The following MYO5B variants were observed in gnomAD, a reference collection of about 807,000 sequenced individuals.
The protein encoded by MYO5B is myosin VB, also known as unconventional myosin-Vb.
A neutral mutation model predicts 229.3 loss-of-function variants in MYO5B; 143 were observed. The ratio of observed to expected loss-of-function variants is 0.62; its 90% CI spans 0.54 to 0.72. The LOEUF is 0.72. Among genes scored for constraint, MYO5B ranks in the 30% least tolerant of loss-of-function variants. The probability of loss-of-function intolerance (pLI) is 0.00; values close to 1 mark genes in which losing one functional copy is unlikely to be tolerated. For synonymous variants in MYO5B, 918 were observed against 885.2 expected, an observed-to-expected ratio of 1.04 and a Z score of -0.66; for missense variants, 2,321 against 2,331.0, an observed-to-expected ratio of 1.00 and a Z score of 0.09.
chr18:50,125,293 G>A (rs1260633332), intron 1 of MYO5B, among the ~76,000 whole-genome samples: 10 of 149,034 alleles, frequency 6.7e-5, no homozygotes, highest in Non-Finnish European at 1.3e-4. Context: ...AACACCGCAT[G>A]TTCTCACTCA....
Position 50,070,236 on chromosome 18 carries a change from C to A in MYO5B, c.28-14858G>T, listed in dbSNP as rs146619834. On this transcript the variant is annotated intron_variant, in intron 1 of 39. Coordinates refer to ENST00000285039, the MANE Select transcript of MYO5B (RefSeq NM_001080467.3). ...ACAAGGTTTCACCATGTTTACCAGG[C>A]TAGTCTTGAACTCCTGACCTCAGGT... Among the ~76,000 whole-genome samples the A allele has an allele frequency of 1.9e-3, 287 of 152,116 alleles. 1 individual carries two copies. The highest frequency in any genetic ancestry group is 4.1e-3 in the Admixed American group (63 of 15,274).
chr18:50,161,528 G>A (rs749550705), intron 1 of MYO5B, among the ~76,000 whole-genome samples: 3 of 151,826 alleles, frequency 2.0e-5, no homozygotes, highest in African/African-American at 4.8e-5. Flanking sequence ...GTTTCGGGGC[G>A]GGGTGGGGGG....
At chr18:50,030,135 G>T (rs1021437174) in intron 4 of MYO5B, among the ~76,000 whole-genome samples, 1 of 152,184 alleles carries the variant, frequency 6.6e-6, no homozygotes, top group Non-Finnish European at 1.5e-5. Flanking sequence ...AACAGAATCT[G>T]CAGCCTGGAG....
intron 2 of MYO5B, among the ~76,000 whole-genome samples, chr18:50,052,705 T>TAAAA (rs35059232): frequency 0.034 from 4,854 of 142,600 alleles, 119 homozygotes; most frequent in Middle Eastern, 0.054. Flanking sequence ...TAAAGTATAA[T>TAAAA]AAAAAAAAAA....
At chr18:49,991,606 C>T (rs2025933167) in intron 6 of MYO5B, among the ~76,000 whole-genome samples, 1 of 152,068 alleles carries the variant, frequency 6.6e-6, no homozygotes, top group Non-Finnish European at 1.5e-5. Context: ...AAAAGTGGGA[C>T]ATCTGGGAAT....
At chr18:50,026,993 T>C (rs2026337755) in intron 4 of MYO5B, among the ~76,000 whole-genome samples, 1 of 152,196 alleles carries the variant, frequency 6.6e-6, no homozygotes, top group Non-Finnish European at 1.5e-5. Flanking sequence ...TCCCAGCATG[T>C]TCCTTTGCTG....
chr18:49,991,774 G>C (rs2025935880), intron 6 of MYO5B, among the ~76,000 whole-genome samples: 1 of 152,148 alleles, frequency 6.6e-6, no homozygotes, highest in South Asian at 2.1e-4. Context: ...GTATACCTAT[G>C]TAACAAACCT....
intron 34 of MYO5B, among the ~76,000 whole-genome samples, chr18:49,842,433 C>T (rs1217108539): frequency 6.6e-6 from 1 of 152,242 alleles, no homozygotes; most frequent in East Asian, 1.9e-4. Context: ...CAGTGGACTC[C>T]AGAATTGGTT....
chr18:49,839,768 G>T, intron 35 of MYO5B: 1 of 221,028 alleles, frequency 4.5e-6, no homozygotes, highest in Non-Finnish European at 9.2e-6. Flanking sequence ...ATTAATAGAT[G>T]AACTAAAGTG....
chr18:50,027,369 G>T (rs2026342456), intron 4 of MYO5B, among the ~76,000 whole-genome samples: 1 of 152,144 alleles, frequency 6.6e-6, no homozygotes, highest in African/African-American at 2.4e-5. Context: ...CCTGCACAGG[G>T]CTCCATGTTC....
At chr18:50,173,329 G>C (rs2032946062) in intron 1 of MYO5B, among the ~76,000 whole-genome samples, 1 of 151,988 alleles carries the variant, frequency 6.6e-6, no homozygotes, top group African/African-American at 2.4e-5. Flanking sequence ...AGGTAAGGAA[G>C]ACAGGGATGC....
chr18:49,951,891 C>T (rs1010325471), intron 14 of MYO5B, among the ~76,000 whole-genome samples: 4 of 152,174 alleles, frequency 2.6e-5, no homozygotes, highest in African/African-American at 9.6e-5. Context: ...CCACCATCCT[C>T]ATGAAAAAAT....
chr18:50,090,666 T>C (rs911296821), intron 1 of MYO5B, among the ~76,000 whole-genome samples: 1 of 152,160 alleles, frequency 6.6e-6, no homozygotes, highest in South Asian at 2.1e-4. Flanking sequence ...TTACAAAATG[T>C]GGTTTTAAAA....
At chr18:50,005,258 G>T (rs191806404) in intron 4 of MYO5B, among the ~76,000 whole-genome samples, 50 of 152,232 alleles carry the variant, frequency 3.3e-4, no homozygotes, top group Admixed American at 2.7e-3. Flanking sequence ...GATAAGTATG[G>T]GGTTTTGTGA....
intron 2 of MYO5B, among the ~76,000 whole-genome samples, chr18:50,048,316 C>A (rs1054608523): frequency 5.9e-5 from 9 of 152,174 alleles, no homozygotes; most frequent in East Asian, 1.9e-4. Flanking sequence ...ATTTATGTAA[C>A]CTTCCCAATT....
chr18:49,954,264 C>T, intron 13 of MYO5B, 49 bp downstream of exon 13: 2 of 1,610,532 alleles, frequency 1.2e-6, no homozygotes, highest in Non-Finnish European at 1.7e-6. Flanking sequence ...ATTGAGTCTA[C>T]TTAGAGAGGG....
At chr18:49,961,189 C>T (rs963294833) in intron 12 of MYO5B, among the ~76,000 whole-genome samples, 6 of 152,338 alleles carry the variant, frequency 3.9e-5, no homozygotes, top group African/African-American at 1.4e-4. Context: ...CAATGCTACT[C>T]AATCTAGGGA....
In MYO5B at chr18:49,931,436, C is replaced by T. The variant is rs74896782; in HGVS notation, c.2004-1838G>A. Among the ~76,000 whole-genome samples the T allele has an allele frequency of 1.1e-3, 167 of 152,316 alleles. No individual in the cohort carries two copies. In the East Asian group the frequency reaches 0.018, roughly 16 times the overall value. On this transcript the variant is annotated intron_variant, in intron 16 of 39. Coordinates refer to ENST00000285039, the MANE Select transcript of MYO5B (RefSeq NM_001080467.3). ...CGACTCCTCCAGCTCCAACAGCCCA[C>T]GGCACTGAGCATGTGAGGCACAACG...
chr18:50,162,870 G>A (rs11663203), intron 1 of MYO5B, among the ~76,000 whole-genome samples: 44,793 of 151,946 alleles, frequency 0.29, 7,511 homozygotes, highest in East Asian at 0.4. Flanking sequence ...TCCCCATCCC[G>A]TCCATTCCAG....
Sources: allele counts gnomAD v4.1 joint callset (sites outside exome capture counted in the v4.1 genomes callset), GRCh38; gene constraint gnomAD v4.1.1; transcripts MANE v1.5; gene names NCBI Gene and HGNC (gene_info 2026-07-23, HGNC 2026-07-21).